Variants in ZAN observed in about 807,000 individuals in gnomAD.
ZAN encodes zonadhesin (gene/pseudogene).
In ZAN, 260 loss-of-function variants were observed where a neutral mutation model predicts 286.2. That is an observed-to-expected ratio of 0.91 (90% CI 0.82 to 1.01). The LOEUF (loss-of-function observed/expected upper bound fraction) is 1.01. Among genes scored for constraint, ZAN ranks in the 50% least tolerant of loss-of-function variants. The pLI is 0.00. For missense variants in ZAN, 3,410 were observed against 3,639.2 expected, an observed-to-expected ratio of 0.94 and a Z score of 1.62; for synonymous variants, 1,368 against 1,417.5, an observed-to-expected ratio of 0.97 and a Z score of 0.79.
chr7:100,792,027 G>A lies in ZAN; in HGVS notation c.7591G>A (p.Val2531Met), dbSNP rs772397568. 11 of 1,613,234 alleles carry A rather than the reference G, an allele frequency of 6.8e-6. No homozygotes were observed. The highest frequency in any genetic ancestry group is 2.2e-5 in the East Asian group (1 of 44,882). Residue 2531 changes from valine to methionine, a missense_variant, in exon 41 of 48, where the codon GTG (valine) becomes ATG (methionine). Around this residue, in one of 7 missense-constraint regions of ZAN, gnomAD observed 1,289 missense variants for 1,314.3 expected, o/e 0.98. Transcript: ENST00000613979. ...AELGLRTGLQ[V>M]SECSPEQLAS... ...GCTGGGCCTCCGCACGGGCCTCCAAGTGTCCGAATGTAGCCCGGAGCAGCT... is the reference window on the plus strand; with the variant it reads ...GCTGGGCCTCCGCACGGGCCTCCAAATGTCCGAATGTAGCCCGGAGCAGCT...
chr7:100,746,784 C>G, intron 8 of ZAN, 82 bp downstream of exon 8: 2 of 1,495,828 alleles, frequency 1.3e-6, no homozygotes, highest in Admixed American at 3.5e-5. Flanking sequence ...ATGGGGCATC[C>G]CTCAGGGTCT....
In ZAN at chr7:100,772,016, C is replaced by T; in HGVS notation, c.5421C>T (p.Phe1807=). 1 of 1,594,246 alleles carries T rather than the reference C, an allele frequency of 6.3e-7. No individual in the cohort carries two copies. The highest frequency in any genetic ancestry group is 8.5e-7 in the Non-Finnish European group (1 of 1,171,716). ...CCCCTGCCTGGCGGAACAGAACCTT[C>T]TGCCGTGAGTGACTGGCCACCTGTT... is the stretch of plus-strand genomic sequence containing the variant. The part of the protein sequence containing the change: ...GQAPAWRNRT[F]CPMRCPPGSS... The change falls in exon 29 of 48, where the codon TTC becomes TTT. Residue 1807 remains phenylalanine (F), a synonymous_variant. Transcript: ENST00000613979.
Position 100,760,325 on chromosome 7 carries a change from A to G in ZAN, c.3697-66A>G. 3 of 1,581,110 alleles carry G rather than the reference A, an allele frequency of 1.9e-6. No homozygotes were observed. In the Admixed American group the frequency reaches 5.2e-5, roughly 27 times the overall value. ...GTCCTGCCTCCCAGCTATGGAAATG[A>G]AAGTCTGCTGGGGTCCTCCTTGACC... On this transcript the variant is annotated intron_variant, in intron 18 of 47. Coordinates refer to ENST00000613979, the MANE Select transcript of ZAN (RefSeq NM_003386.3).
chr7:100,780,792 T>A (rs2116228104), intron 35 of ZAN, among the ~76,000 whole-genome samples: 1 of 152,168 alleles, frequency 6.6e-6, no homozygotes, highest in East Asian at 1.9e-4. Flanking sequence ...ATAAACAAAT[T>A]CAAATTTATA....
chr7:100,797,638 C>G lies in ZAN; in HGVS notation c.8413+15C>G, dbSNP rs1466490584. On this transcript the variant is annotated intron_variant, in intron 47 of 47. Coordinates refer to ENST00000613979, the MANE Select transcript of ZAN (RefSeq NM_003386.3). ...GGTGGACACAGGTGAGAACCAACCC[C>G]ACAGCCCGGAACCTCGGGGCCTAGA... The G allele has an allele frequency of 6.2e-7, 1 of 1,614,008 alleles. No homozygotes were observed. The highest frequency in any genetic ancestry group is 1.1e-5 in the South Asian group (1 of 91,078).
Position 100,776,447 on chromosome 7 carries a change from G to A in ZAN, c.6200G>A (p.Gly2067Asp). Residue 2067 changes from glycine to aspartate, a missense_variant, in exon 34 of 48, where the codon GGC (glycine) becomes GAC (aspartate). Physicochemically the swap from Gly to Asp is moderately conservative, Grantham distance 94. Around this residue, in one of 7 missense-constraint regions of ZAN, gnomAD observed 1,289 missense variants for 1,314.3 expected, o/e 0.98. Transcript: ENST00000613979. ...IPTTYYGKVC[G>D]MCGNFNDEEE... ...ACCACTCTCCCCCGCCAGGTCTGCG[G>A]CATGTGTGGGAACTTCAATGATGAG... 1 of 1,605,826 alleles carries A rather than the reference G, an allele frequency of 6.2e-7. No homozygotes were observed. The highest frequency in any genetic ancestry group is 8.5e-7 in the Non-Finnish European group (1 of 1,176,142).
chr7:100,771,924 G>A lies in ZAN; in HGVS notation c.5329G>A (p.Gly1777Ser), dbSNP rs771216408. ...CGTGCATGGTCAGTGTGGGACCAAG[G>A]GCGACACCACAGCCCTGTGCCGCTC... ...SCVHGQCGTK[G>S]DTTALCRSLQ... The change falls in exon 29 of 48, where the codon GGC (glycine) becomes AGC (serine). Residue 1777 changes from glycine to serine, a missense_variant. Gly to Ser is a moderately conservative substitution (Grantham distance 56, BLOSUM62 0). This residue lies in a region of ZAN where 27 missense variants were observed against 58.7 expected (regional missense o/e 0.46). Transcript: ENST00000613979. The A allele has an allele frequency of 1.1e-5, 17 of 1,612,838 alleles. No homozygotes were observed. The South Asian group carries it at 1.9e-4, about 18-fold the overall frequency.
In ZAN at chr7:100,746,661, A is replaced by G; in HGVS notation, c.890A>G (p.Gln297Arg). Residue 297 changes from glutamine to arginine, a missense_variant, in exon 8 of 48, where the codon CAG (glutamine) becomes CGG (arginine). Transcript: ENST00000613979. Reference protein sequence around the residue: ...SFSFHYILRGQSPGAALHIYA... With the variant: ...SFSFHYILRGRSPGAALHIYA... ...TCCTTCCACTACATCCTCCGGGGCC[A>G]GTCTCCTGGTGCAGCCCTCCACATT... The G allele has an allele frequency of 1.9e-6, 3 of 1,613,956 alleles. No homozygotes were observed. The highest frequency in any genetic ancestry group is 2.5e-6 in the Non-Finnish European group (3 of 1,179,878).
Position 100,739,638 on chromosome 7 carries a change from C to T in ZAN, c.766+1025C>T, listed in dbSNP as rs1258397900. 2.2e-5 allele frequency among the ~76,000 whole-genome samples: 3 copies of T among 133,704 alleles called. 1 individual carries two copies. Among genetic ancestry groups the T allele is most frequent in the African/African-American group, 8.1e-5 (3 of 36,948 alleles). 87.7% of individuals were successfully genotyped at this position (133,704 alleles called of 152,430 possible). On this transcript the variant is annotated intron_variant, in intron 7 of 47. Transcript: ENST00000613979. ...GGATTACAGGCGTGAGCCACTGTGC[C>T]CCGCCGTGAGTTATCAATTATTTAT...
Position 100,771,882 on chromosome 7 carries a change from T to A in ZAN, c.5287T>A (p.Ser1763Thr), listed in dbSNP as rs1363333643. The change falls in exon 29 of 48, where the codon TCC becomes ACC. Residue 1763 changes from serine to threonine, a missense_variant. Ser to Thr is a moderately conservative substitution (Grantham distance 58). Coordinates refer to ENST00000613979, the MANE Select transcript of ZAN (RefSeq NM_003386.3). ...ATGTCACCAGGTGGTGCCTCCCCAG[T>A]CCAGCTTTGCCAGTTGCGTGCATGG... ...SQCHQVVPPQ[S>T]SFASCVHGQC... 2 of 1,613,076 alleles carry A rather than the reference T, an allele frequency of 1.2e-6. No homozygotes were observed. Among genetic ancestry groups the A allele is most frequent in the East Asian group, 4.5e-5 (2 of 44,858 alleles).
chr7:100,777,550 C>T (rs780033452), intron 34 of ZAN, among the ~76,000 whole-genome samples: 5 of 151,800 alleles, frequency 3.3e-5, no homozygotes, highest in Admixed American at 6.6e-5. Context: ...TAGGTAGAGA[C>T]GGAGTTTCAT....
At chr7:100,794,408 A>G (rs978191805) in intron 44 of ZAN, 150 bp downstream of exon 44, 8 of 1,333,248 alleles carry the variant, frequency 6.0e-6, no homozygotes, top group Non-Finnish European at 8.0e-6. Flanking sequence ...AAGGACAAAG[A>G]TCTCCCGATC....
rs1183526232 is a variant in ZAN, at chr7:100,755,420, C to T, written c.3309+10C>T. On this transcript the variant is annotated intron_variant, in intron 15 of 47. Coordinates refer to ENST00000613979, the MANE Select transcript of ZAN (RefSeq NM_003386.3). ...CAACGACTACTATGAGGTAAGCCCC[C>T]CGGGATGCTGGGGTCCCATGAGGGA... is the stretch of plus-strand genomic sequence containing the variant. 4 of 1,610,700 alleles carry T rather than the reference C, an allele frequency of 2.5e-6. No individual in the cohort carries two copies.
rs907835332 is a variant in ZAN at position 100,765,537 on chromosome 7, G to T, written c.4453G>T (p.Ala1485Ser). Residue 1485 changes from alanine to serine, a missense_variant, in exon 23 of 48, where the codon GCA (alanine) becomes TCA (serine). This residue lies in a region of ZAN where 1,042 missense variants were observed against 1,058.0 expected (regional missense o/e 0.98). Coordinates refer to ENST00000613979, the MANE Select transcript of ZAN (RefSeq NM_003386.3). ...CTCCCAGTGTGGGTGCCTCCACCCT[G>T]CAGGCAGCTACTTCAAGGTGAGCGG... ...PRSQCGCLHP[A>S]GSYFKVGERW... The T allele has an allele frequency of 1.2e-6, 2 of 1,606,248 alleles. No homozygotes were observed. The highest frequency in any genetic ancestry group is 2.2e-5 in the South Asian group (2 of 89,646).
chr7:100,746,490 C>G, intron 7 of ZAN, 48 bp from the exon 8 acceptor site: 2 of 1,602,646 alleles, frequency 1.2e-6, no homozygotes, highest in Non-Finnish European at 1.7e-6. Context: ...CTGCTGCCAT[C>G]TTCCCTCAAT....
rs1809878331 is a variant in ZAN, at chr7:100,765,338, T to G, written c.4268-14T>G. 1.2e-6 allele frequency: 2 copies of G among 1,612,990 alleles called. No homozygotes were observed. The highest frequency in any genetic ancestry group is 2.7e-5 in the African/African-American group (2 of 74,972). ...TGTTCGTCTCCTTCTCACCCAAGCT[T>G]CTCCCTCCACCAGCAATGGCCTGCC... On this transcript the variant is annotated splice_polypyrimidine_tract_variant and intron_variant, in intron 22 of 47. Coordinates refer to ENST00000613979, the MANE Select transcript of ZAN (RefSeq NM_003386.3).
chr7:100,736,608 C>A lies in ZAN; in HGVS notation c.232C>A (p.Pro78Thr). The change falls in exon 4 of 48, where the codon CCC becomes ACC. Residue 78 changes from proline (P) to threonine (T), a missense_variant. Transcript: ENST00000613979. ...CTCTCCCACCGGCTCCACCGGGGCCCCCGGGGGGTACCCTAACGGAGGTGA... is the reference window on the plus strand; with the variant it reads ...CTCTCCCACCGGCTCCACCGGGGCCACCGGGGGGTACCCTAACGGAGGTGA... ...GPSPTGSTGA[P>T]GGYPNGEGSY... The A allele has an allele frequency of 6.6e-7, 1 of 1,522,970 alleles. No individual in the cohort carries two copies. The highest frequency in any genetic ancestry group is 9.0e-7 in the Non-Finnish European group (1 of 1,107,512). 94.3% of individuals were successfully genotyped at this position (1,522,970 alleles called of 1,614,324 possible).
Position 100,762,197 on chromosome 7 carries a change from C to G in ZAN, c.3843-18C>G, listed in dbSNP as rs1421949980. 4 of 1,612,002 alleles carry G rather than the reference C, an allele frequency of 2.5e-6. No homozygotes were observed. The East Asian group carries it at 8.9e-5, about 36-fold the overall frequency. On this transcript the variant is annotated intron_variant, in intron 19 of 47. Coordinates refer to ENST00000613979, the MANE Select transcript of ZAN (RefSeq NM_003386.3). The stretch of plus-strand genomic sequence containing the variant: ...CTGCTTCTCTCCATTAACGCCAGCT[C>G]CTCTCCTGTTCCCCTAGCACATACT...
At chr7:100,737,860 G>A (rs1458443221) in intron 6 of ZAN, among the ~76,000 whole-genome samples, 1 of 141,230 alleles carries the variant, frequency 7.1e-6, no homozygotes, top group African/African-American at 2.6e-5. Flanking sequence ...CCAGCACCTT[G>A]GGAGGCCAAG....
Sources: allele counts gnomAD v4.1 joint callset (sites outside exome capture counted in the v4.1 genomes callset), GRCh38; gene constraint gnomAD v4.1.1; regional missense constraint gnomAD v4.1.1; transcripts MANE v1.5; gene names NCBI Gene and HGNC (gene_info 2026-07-23, HGNC 2026-07-21).